ACOT12: variants seen among roughly 807,000 people sequenced by gnomAD.
ACOT12 encodes the protein acetyl-coenzyme A thioesterase.
In ACOT12, 51 loss-of-function variants were observed where a neutral mutation model predicts 67.7. The ratio of observed to expected loss-of-function variants is 0.75; its 90% confidence interval spans 0.60 to 0.95. ACOT12 has a LOEUF of 0.95. ACOT12 is among the 40% of genes least tolerant of loss of function. ACOT12 has a pLI of 0.00. For missense variants in ACOT12, 734 were observed against 708.1 expected (o/e 1.04, Z -0.41); for synonymous variants, 251 against 244.6 (o/e 1.03, Z -0.24).
intron 8 of ACOT12, among the ~76,000 whole-genome samples, chr5:81,344,473 G>C (rs1254703124): frequency 2.0e-5 from 3 of 152,136 alleles, no homozygotes; most frequent in Non-Finnish European, 4.4e-5. Flanking sequence ...CCTGTTACCA[G>C]AATTATACTT....
At chr5:81,362,221 A>C (rs1434281142) in intron 4 of ACOT12, among the ~76,000 whole-genome samples, 1 of 147,512 alleles carries the variant, frequency 6.8e-6, no homozygotes, top group Non-Finnish European at 1.5e-5. Context: ...GCTGGAGTGC[A>C]ATGGCACAAT....
At chr5:81,393,072 C>T (rs959134475) in intron 1 of ACOT12, among the ~76,000 whole-genome samples, 22 of 152,134 alleles carry the variant, frequency 1.4e-4, no homozygotes, top group African/African-American at 5.3e-4. Context: ...ATAATTCAGT[C>T]CTTAATAAAT....
chr5:81,391,608 A>G (rs1046106509), intron 1 of ACOT12, among the ~76,000 whole-genome samples: 2 of 152,266 alleles, frequency 1.3e-5, no homozygotes, highest in Non-Finnish European at 2.9e-5. Context: ...GGAAAAATGA[A>G]CAAAACATAT....
Position 81,380,457 on chromosome 5 carries a change from G to A in ACOT12, c.197+5300C>T, listed in dbSNP as rs1323278202. Reference sequence around the variant, plus strand: ...CACGTGCCTGTAATCTCAGCTACTCGGGAGGCTGAGGCAGGAGAATCGCTT... The same window carrying A: ...CACGTGCCTGTAATCTCAGCTACTCAGGAGGCTGAGGCAGGAGAATCGCTT... On this transcript the variant is annotated intron_variant, in intron 2 of 14. Coordinates refer to ENST00000307624, the MANE Select transcript of ACOT12 (RefSeq NM_130767.3). 4.6e-5 allele frequency among the ~76,000 whole-genome samples: 7 copies of A among 151,678 alleles called. No individual in the cohort carries two copies. The South Asian group carries it at 8.3e-4, about 18-fold the overall frequency.
chr5:81,367,461 G>C (rs1042788596), intron 3 of ACOT12, among the ~76,000 whole-genome samples: 6 of 152,204 alleles, frequency 3.9e-5, no homozygotes, highest in African/African-American at 1.4e-4. Context: ...ACTGTTATAA[G>C]GTTATTACAC....
At chr5:81,367,026 A>G (rs1580573480) in intron 3 of ACOT12, among the ~76,000 whole-genome samples, 1 of 152,240 alleles carries the variant, frequency 6.6e-6, no homozygotes, top group Non-Finnish European at 1.5e-5. Context: ...CTATAAATCC[A>G]TAGATCCAGT....
chr5:81,367,334 A>G (rs1439180376), intron 3 of ACOT12, among the ~76,000 whole-genome samples: 1 of 152,200 alleles, frequency 6.6e-6, no homozygotes, highest in Admixed American at 6.5e-5. Flanking sequence ...AAGATGATTG[A>G]CTGTTTAAAA....
intron 2 of ACOT12, among the ~76,000 whole-genome samples, chr5:81,373,457 G>A (rs982717674): frequency 3.3e-5 from 5 of 152,196 alleles, no homozygotes; most frequent in Admixed American, 2.0e-4. Context: ...GGGAGACACC[G>A]AGCTAGCTGC....
chr5:81,357,105 C>G (rs752854487), intron 5 of ACOT12, among the ~76,000 whole-genome samples: 1 of 152,058 alleles, frequency 6.6e-6, no homozygotes, highest in African/African-American at 2.4e-5. Context: ...TTCATGCCTC[C>G]GTGCCTTCAC....
chr5:81,346,459 C>G (rs941465257), intron 6 of ACOT12, among the ~76,000 whole-genome samples: 2 of 152,148 alleles, frequency 1.3e-5, no homozygotes, highest in Non-Finnish European at 2.9e-5. Flanking sequence ...AAGTTTTTTC[C>G]CCTCACAGAA....
chr5:81,308,848 T>C, the ACOT12 span: 4 of 1,381,762 alleles, frequency 2.9e-6, no homozygotes, highest in Admixed American at 2.6e-5. Context: ...TTTTAAGTTA[T>C]GTAAATATAT....
At chr5:81,331,130 C>T (rs898237836) in intron 13 of ACOT12, among the ~76,000 whole-genome samples, 190 bp from the exon 14 acceptor site, 1 of 152,202 alleles carries the variant, frequency 6.6e-6, no homozygotes, top group Admixed American at 6.5e-5. Context: ...GTGTTTTCTG[C>T]CTTAGAATTG....
At chr5:81,386,192 C>G (rs1760720913) in intron 1 of ACOT12, among the ~76,000 whole-genome samples, 1 of 152,148 alleles carries the variant, frequency 6.6e-6, no homozygotes, top group Non-Finnish European at 1.5e-5. Context: ...ATCAAAGCAT[C>G]ACAGGTGTAG....
chr5:81,338,778 T>C (rs904298321), intron 11 of ACOT12, among the ~76,000 whole-genome samples: 5 of 152,160 alleles, frequency 3.3e-5, no homozygotes, highest in African/African-American at 4.8e-5. Flanking sequence ...TAAGATTCTT[T>C]TTGAATTTGA....
intron 7 of ACOT12, 68 bp from the exon 8 acceptor site, chr5:81,345,109 C>A (rs978510860): frequency 3.3e-5 from 21 of 646,148 alleles, no homozygotes; most frequent in Non-Finnish European, 4.7e-5. Context: ...TTGCACACCG[C>A]TGCCACCTCC....
In ACOT12 at chr5:81,330,865, T is replaced by C. The variant is rs111412243; in HGVS notation, c.1467A>G (p.Glu489=). 3 of 1,614,102 alleles carry C rather than the reference T, an allele frequency of 1.9e-6. No homozygotes were observed. In the South Asian group the frequency reaches 3.3e-5, roughly 18 times the overall value. ...GGATGAGAAATCCGGCACATATGAT[T>C]TCACTTCTGATGTACTGTGGAGACG... ...VPPSPQYIRS[E]IICAGFLIHA... Residue 489 remains glutamate (E), a synonymous_variant, in exon 14 of 15, where the codon GAA becomes GAG. Transcript: ENST00000307624.
chr5:81,308,645 TG>T, the ACOT12 span: 2 of 1,613,966 alleles, frequency 1.2e-6, no homozygotes, highest in Non-Finnish European at 1.7e-6. Context: ...CACTGGGATA[TG>T]TTACAGGTGT....
chr5:81,342,310 A>C (rs1209187962), intron 11 of ACOT12, among the ~76,000 whole-genome samples: 1 of 152,176 alleles, frequency 6.6e-6, no homozygotes, highest in Non-Finnish European at 1.5e-5. Context: ...AATTTTAAAG[A>C]AGTCATGACA....
rs1326738626 is a variant in ACOT12 at position 81,394,062 on chromosome 5, G to A, written c.53C>T (p.Ala18Val). Residue 18 changes from alanine to valine, a missense_variant, in exon 1 of 15, where the codon GCG becomes GTG. Transcript: ENST00000307624. Reference sequence around the variant, plus strand: ...CAGCTCGCCGCGCGCAGTGGCGTGCGCCGGCTGGATGGCTTGGCTCATGAC... The same window carrying A: ...CAGCTCGCCGCGCGCAGTGGCGTGCACCGGCTGGATGGCTTGGCTCATGAC... Reference protein sequence around the residue: ...EVVMSQAIQPAHATARGELSA... With the variant: ...EVVMSQAIQPVHATARGELSA... 2.0e-6 allele frequency: 3 copies of A among 1,473,498 alleles called. No individual in the cohort carries two copies. Among genetic ancestry groups the A allele is most frequent in the Admixed American group, 2.3e-5 (1 of 42,968 alleles). 91.3% of individuals were successfully genotyped at this position (1,473,498 alleles called of 1,614,324 possible). A position where few individuals can be genotyped will look rare whatever the true frequency, so the allele number is the denominator to read the frequency against.
Sources: gnomAD v4.1 joint callset for allele counts (sites outside exome capture counted in the v4.1 genomes callset) on GRCh38, gnomAD v4.1.1 for gene constraint, MANE v1.5 for transcripts, NCBI Gene and HGNC (gene_info 2026-07-23, HGNC 2026-07-21) for gene names.